ATP8A1: variants seen among roughly 807,000 people sequenced by gnomAD.
The protein encoded by ATP8A1 is phospholipid-transporting ATPase IA.
A neutral mutation model predicts 177.7 loss-of-function variants in ATP8A1; 90 were observed. The observed-to-expected ratio is 0.51, with a 90% CI of 0.43 to 0.60. The LOEUF is 0.60. Ranked by LOEUF, ATP8A1 falls within the 20% of genes least tolerant of loss-of-function variation. The probability of loss-of-function intolerance (pLI) is 0.00; values close to 1 mark genes in which losing one functional copy is unlikely to be tolerated. For synonymous variants in ATP8A1, 493 were observed against 485.9 expected (o/e 1.01, Z -0.19); for missense variants, 1,072 against 1,392.8 (o/e 0.77, Z 3.67).
intron 24 of ATP8A1, among the ~76,000 whole-genome samples, chr4:42,495,017 T>C (rs989688256): frequency 6.6e-6 from 1 of 152,234 alleles, no homozygotes; most frequent in African/African-American, 2.4e-5. Flanking sequence ...AAATCTACTA[T>C]AAATTAATTT....
chr4:42,555,142 C>CT (rs879436122), intron 16 of ATP8A1, among the ~76,000 whole-genome samples: 5,599 of 63,034 alleles, frequency 0.089, 250 homozygotes, highest in East Asian at 0.13. Flanking sequence ...TCTATCTAAT[C>CT]TATCTATCTA....
intron 33 of ATP8A1, among the ~76,000 whole-genome samples, chr4:42,428,596 G>A (rs980447732): frequency 6.6e-6 from 1 of 152,226 alleles, no homozygotes; most frequent in Admixed American, 6.5e-5. Context: ...GCTTCTAGCT[G>A]TTCACACTGC....
chr4:42,634,565 G>T (rs545685307), intron 1 of ATP8A1, among the ~76,000 whole-genome samples: 2 of 152,130 alleles, frequency 1.3e-5, no homozygotes, highest in South Asian at 4.2e-4. Context: ...AATCAAGGAG[G>T]GCATTAAAGA....
chr4:42,615,950 A>T, intron 5 of ATP8A1, 83 bp downstream of exon 5: 1 of 1,291,176 alleles, frequency 7.7e-7, no homozygotes, highest in Non-Finnish European at 1.1e-6. Flanking sequence ...ACTATTTGCA[A>T]TTGAATTATA....
intron 25 of ATP8A1, among the ~76,000 whole-genome samples, chr4:42,476,611 T>TAA (rs879784297): frequency 7.3e-6 from 1 of 136,414 alleles, no homozygotes; most frequent in African/African-American, 2.9e-5. Flanking sequence ...AGGGTGAGAT[T>TAA]AAAAAAAAAA....
chr4:42,413,056 G>A, intron 36 of ATP8A1, 43 bp from the exon 37 acceptor site: 1 of 1,522,042 alleles, frequency 6.6e-7, no homozygotes, highest in Non-Finnish European at 9.1e-7. Context: ...AAAGGCACTG[G>A]AAACCACCGT....
At chr4:42,531,154 G>A (rs1388135497) in intron 20 of ATP8A1, among the ~76,000 whole-genome samples, 2 of 152,178 alleles carry the variant, frequency 1.3e-5, no homozygotes, top group Non-Finnish European at 2.9e-5. Flanking sequence ...AGTATGTACG[G>A]AATACAGCGA....
At chr4:42,472,072 G>GT (rs1486564174) in intron 25 of ATP8A1, 15 of 719,640 alleles carry the variant, frequency 2.1e-5, no homozygotes, top group Non-Finnish European at 3.7e-5. Context: ...AAAAAGTTCA[G>GT]TGGGAAGCAT....
At chr4:42,418,818 T>C (rs915421818) in intron 35 of ATP8A1, among the ~76,000 whole-genome samples, 2 of 152,260 alleles carry the variant, frequency 1.3e-5, no homozygotes, top group African/African-American at 4.8e-5. Flanking sequence ...GGTGGCATAC[T>C]ATTTCCACTA....
At chr4:42,591,720 ATC>A (rs1734203371) in intron 6 of ATP8A1, among the ~76,000 whole-genome samples, 2 of 152,172 alleles carry the variant, frequency 1.3e-5, no homozygotes, top group Admixed American at 6.5e-5. Context: ...AAATGCTAAA[ATC>A]TGTTTCATTT....
At chr4:42,555,601 A>G (rs1378131652) in intron 16 of ATP8A1, among the ~76,000 whole-genome samples, 1 of 152,134 alleles carries the variant, frequency 6.6e-6, no homozygotes, top group Non-Finnish European at 1.5e-5. Context: ...GAGGGGGTGG[A>G]TCACCTGATG....
At chr4:42,630,836 T>C (rs562233207) in intron 1 of ATP8A1, among the ~76,000 whole-genome samples, 1 of 152,314 alleles carries the variant, frequency 6.6e-6, no homozygotes, top group East Asian at 1.9e-4. Context: ...GAATAAAACA[T>C]GACCTTAGAT....
At chr4:42,559,103 T>G (rs528860246) in intron 15 of ATP8A1, among the ~76,000 whole-genome samples, 1 of 152,312 alleles carries the variant, frequency 6.6e-6, no homozygotes, top group Non-Finnish European at 1.5e-5. Context: ...GGAGGATCCC[T>G]TGAGCTCTGG....
chr4:42,490,368 C>T (rs1305840093), intron 24 of ATP8A1, among the ~76,000 whole-genome samples: 1 of 152,200 alleles, frequency 6.6e-6, no homozygotes, highest in African/African-American at 2.4e-5. Flanking sequence ...CTCCAGCTCC[C>T]TCTTCTTATG....
At chr4:42,577,692 T>C (rs1418589617) in intron 12 of ATP8A1, among the ~76,000 whole-genome samples, 2 of 152,256 alleles carry the variant, frequency 1.3e-5, no homozygotes, top group African/African-American at 4.8e-5. Flanking sequence ...TTTAACAATA[T>C]TCAAGAGAAA....
At chr4:42,422,735 TTATTTCCAACC>T (rs1577900659) in intron 35 of ATP8A1, 61 bp downstream of exon 35, 2 of 1,233,258 alleles carry the variant, frequency 1.6e-6, no homozygotes, top group East Asian at 4.8e-5. Flanking sequence ...GTCTTATCAC[TTATTTCCAACC>T]ACTAGTACAA....
intron 6 of ATP8A1, among the ~76,000 whole-genome samples, chr4:42,591,987 A>G (rs1035659520): frequency 1.3e-5 from 2 of 152,128 alleles, no homozygotes; most frequent in African/African-American, 4.8e-5. Context: ...GTCATTACCT[A>G]AAGTCAAAAT....
At position 42,465,238 on chromosome 4, in the gene ATP8A1, C is replaced by CT. The variant is rs200340226; in HGVS notation, c.2325-163dup. 2.5e-3 allele frequency among the ~76,000 whole-genome samples: 379 copies of CT among 152,254 alleles called. 1 individual carries two copies. Among genetic ancestry groups the CT allele is most frequent in the African/African-American group, 8.3e-3 (343 of 41,548 alleles). ...TGCAAATGTTTACTCATCTGTTAAC[C>CT]TGGTTACTGTATTAAGGAAAATTAA... On this transcript the variant is annotated intron_variant, in intron 25 of 36. Coordinates refer to ENST00000381668, the MANE Select transcript of ATP8A1 (RefSeq NM_006095.2).
intron 30 of ATP8A1, among the ~76,000 whole-genome samples, chr4:42,447,339 T>C (rs1398776649): frequency 6.6e-6 from 1 of 152,052 alleles, no homozygotes; most frequent in Non-Finnish European, 1.5e-5. Flanking sequence ...TGCGCCCCCA[T>C]GCCCAGCTAA....
Sources: gnomAD v4.1 joint callset for allele counts (sites outside exome capture counted in the v4.1 genomes callset) on GRCh38, gnomAD v4.1.1 for gene constraint, MANE v1.5 for transcripts, NCBI Gene and HGNC (gene_info 2026-07-23, HGNC 2026-07-21) for gene names.